PRKCH: variants seen among roughly 807,000 people sequenced by gnomAD.
PRKCH encodes the protein protein kinase C eta type.
A neutral mutation model predicts 82.5 loss-of-function variants in PRKCH; 28 were observed. That is an observed-to-expected ratio of 0.34 (90% CI 0.25 to 0.47). The LOEUF (loss-of-function observed/expected upper bound fraction) is 0.47. Ranked by LOEUF, PRKCH falls within the 20% of genes least tolerant of loss-of-function variation. The pLI is 1.00. For missense variants in PRKCH, 705 were observed against 881.8 expected (o/e 0.80, Z 2.54); for synonymous variants, 322 against 327.4 (o/e 0.98, Z 0.18).
intron 1 of PRKCH, among the ~76,000 whole-genome samples, chr14:61,257,364 C>G (rs75706355): frequency 6.6e-6 from 1 of 151,718 alleles, no homozygotes; most frequent in African/African-American, 2.4e-5. Flanking sequence ...AACTTTGAAG[C>G]TGACATTTTA....
chr14:61,277,923 G>A (rs956522866), intron 1 of PRKCH: 5 of 152,170 alleles, frequency 3.3e-5, no homozygotes, highest in Non-Finnish European at 7.3e-5. Flanking sequence ...CAAAGTGGCT[G>A]GTGGTGTTTG....
chr14:61,533,131 G>C (rs2043061754), intron 12 of PRKCH, among the ~76,000 whole-genome samples: 2 of 152,124 alleles, frequency 1.3e-5, no homozygotes, highest in South Asian at 4.1e-4. Flanking sequence ...TTGTAAAATA[G>C]AGGTAATAAA....
chr14:61,369,596 A>C (rs147611360), intron 1 of PRKCH, among the ~76,000 whole-genome samples: 10 of 152,216 alleles, frequency 6.6e-5, no homozygotes, highest in African/African-American at 2.4e-4. Flanking sequence ...TGTTTACACA[A>C]TATAAGTTCC....
chr14:61,442,782 T>C (rs1884039483), intron 2 of PRKCH: 1 of 162,486 alleles, frequency 6.2e-6, no homozygotes, highest in African/African-American at 2.4e-5. Flanking sequence ...AAAAAAATTA[T>C]TTTTAATTAG....
At chr14:61,527,462 T>G (rs1055973059) in intron 10 of PRKCH, among the ~76,000 whole-genome samples, 24 of 152,190 alleles carry the variant, frequency 1.6e-4, no homozygotes, top group African/African-American at 5.8e-4. Context: ...TGATTTTGCT[T>G]TCACCGAAGC....
At chr14:61,450,808 T>C (rs1884472274) in intron 5 of PRKCH, 34 bp from the exon 6 acceptor site, 2 of 1,605,438 alleles carry the variant, frequency 1.2e-6, no homozygotes, top group African/African-American at 2.7e-5. Context: ...GGTATGACAT[T>C]TTAGCTCTTG....
In PRKCH at chr14:61,226,868, C is replaced by T. The variant is rs545992404; in HGVS notation, c.-19+39200C>T. ...ATATTCTACCCACCACCCCCTTCCACTTCCCATTACCACCATCATTCCTTG... is the reference window on the plus strand; with the variant it reads ...ATATTCTACCCACCACCCCCTTCCATTTCCCATTACCACCATCATTCCTTG... On this transcript the variant is annotated intron_variant, in intron 1 of 3. Coordinates refer to the PRKCH transcript ENST00000555185. Among the ~76,000 whole-genome samples, 72 of 152,248 alleles carry T rather than the reference C, an allele frequency of 4.7e-4. 1 individual carries two copies. In the South Asian group the frequency reaches 5.4e-3, roughly 11 times the overall value.
chr14:61,328,193 T>C (rs965674805), intron 1 of PRKCH, among the ~76,000 whole-genome samples: 3 of 133,466 alleles, frequency 2.2e-5, no homozygotes, highest in Non-Finnish European at 4.6e-5. Context: ...GAGCTTGCAG[T>C]GAGCCGAGAT....
At chr14:61,464,592 C>T (rs1193120102) in intron 9 of PRKCH, among the ~76,000 whole-genome samples, 1 of 152,124 alleles carries the variant, frequency 6.6e-6, no homozygotes, top group Non-Finnish European at 1.5e-5. Flanking sequence ...TGATGTTCCC[C>T]TCCCTGTGTT....
At chr14:61,531,387 T>C (rs1566931471) in intron 12 of PRKCH, among the ~76,000 whole-genome samples, 1 of 152,228 alleles carries the variant, frequency 6.6e-6, no homozygotes, top group Non-Finnish European at 1.5e-5. Flanking sequence ...ACAATCTATA[T>C]TCTGTTGGAT....
chr14:61,240,830 A>C (rs894990223), intron 1 of PRKCH, among the ~76,000 whole-genome samples: 1 of 152,182 alleles, frequency 6.6e-6, no homozygotes, highest in Non-Finnish European at 1.5e-5. Context: ...CTGACACCAA[A>C]TCTGAGGCTA....
intron 2 of PRKCH, among the ~76,000 whole-genome samples, chr14:61,410,573 C>T (rs1384311942): frequency 1.3e-5 from 2 of 152,210 alleles, no homozygotes; most frequent in East Asian, 3.8e-4. Flanking sequence ...GTATTTGCTT[C>T]TTGCTTCCAG....
chr14:61,419,724 G>A (rs1882735251), intron 2 of PRKCH, among the ~76,000 whole-genome samples: 1 of 152,150 alleles, frequency 6.6e-6, no homozygotes, highest in African/African-American at 2.4e-5. Flanking sequence ...AAAAACCTGG[G>A]ACATAGAGAA....
chr14:61,450,737 A>G, intron 5 of PRKCH, 105 bp from the exon 6 acceptor site: 1 of 1,334,286 alleles, frequency 7.5e-7, no homozygotes, highest in East Asian at 2.4e-5. Context: ...TACCTAGCTC[A>G]GGTGTCATAG....
At chr14:61,489,543 A>G (rs1018732618) in intron 10 of PRKCH, among the ~76,000 whole-genome samples, 2 of 152,210 alleles carry the variant, frequency 1.3e-5, no homozygotes, top group Non-Finnish European at 2.9e-5. Context: ...CCCAGTTCCT[A>G]GGAGACTCAG....
rs138872918 is a variant in PRKCH, at chr14:61,530,401, G to A, written c.1573-6G>A. 14 of 1,572,220 alleles carry A rather than the reference G, an allele frequency of 8.9e-6. No individual in the cohort carries two copies. Among genetic ancestry groups the A allele is most frequent in the Non-Finnish European group, 1.2e-5 (14 of 1,156,048 alleles). Reference sequence around the variant, plus strand: ...ACCACCTTCTCACGCTGCCCCCTTTGCACAGATCCTCCAGGAAATGCTGTA... The same window carrying A: ...ACCACCTTCTCACGCTGCCCCCTTTACACAGATCCTCCAGGAAATGCTGTA... On this transcript the variant is annotated splice_polypyrimidine_tract_variant and splice_region_variant and intron_variant, in intron 11 of 13. Transcript: ENST00000332981.
intron 2 of PRKCH, among the ~76,000 whole-genome samples, chr14:61,407,038 A>T (rs746078139): frequency 2.6e-5 from 4 of 152,134 alleles, no homozygotes; most frequent in Non-Finnish European, 5.9e-5. Flanking sequence ...AGTTTGTATT[A>T]TGGGATGTAT....
chr14:61,242,346 A>G (rs972453501), intron 1 of PRKCH, among the ~76,000 whole-genome samples: 1 of 152,212 alleles, frequency 6.6e-6, no homozygotes, highest in African/African-American at 2.4e-5. Flanking sequence ...ACTCTTCTAA[A>G]TGGCCACAGG....
At chr14:61,500,398 A>G (rs895009586) in intron 10 of PRKCH, among the ~76,000 whole-genome samples, 37 of 151,710 alleles carry the variant, frequency 2.4e-4, no homozygotes, top group African/African-American at 8.7e-4. Flanking sequence ...GGGTCTCGCT[A>G]TGTTGCCCAG....
Sources: gnomAD v4.1 joint callset for allele counts (sites outside exome capture counted in the v4.1 genomes callset) on GRCh38, gnomAD v4.1.1 for gene constraint, MANE v1.5 for transcripts, NCBI Gene and HGNC (gene_info 2026-07-23, HGNC 2026-07-21) for gene names.